Variants in PCDHA9 observed in about 807,000 individuals in gnomAD.
PCDHA9 encodes protocadherin alpha-9.
Under a neutral mutation model 62.0 loss-of-function variants are expected in PCDHA9, and 62 were observed. The observed-to-expected ratio is 1.00, with a 90% CI of 0.81 to 1.23. The LOEUF is 1.23. Ranked by LOEUF, PCDHA9 falls within the 50% of genes most tolerant of loss-of-function variation. The pLI is 0.00. For synonymous variants in PCDHA9, 557 were observed against 567.6 expected (o/e 0.98, Z 0.27); for missense variants, 1,205 against 1,249.8 (o/e 0.96, Z 0.54).
chr5:140,974,394 A>G (rs1554236015), intron 1 of PCDHA9, among the ~76,000 whole-genome samples: 1 of 152,212 alleles, frequency 6.6e-6, no homozygotes, highest in Non-Finnish European at 1.5e-5. Context: ...CCCATTAGGT[A>G]TGTTCTAAAG....
chr5:140,925,878 ACCT>A (rs1554202987), intron 1 of PCDHA9, among the ~76,000 whole-genome samples: 1 of 151,658 alleles, frequency 6.6e-6, no homozygotes. Flanking sequence ...CTGGTTTATA[ACCT>A]CCTCTTTCAC....
intron 1 of PCDHA9, among the ~76,000 whole-genome samples, chr5:140,890,509 A>G (rs1448258191): frequency 6.6e-6 from 1 of 151,802 alleles, no homozygotes; most frequent in African/African-American, 2.4e-5. Flanking sequence ...TTATGTCTCT[A>G]TTTCCTTCCT....
chr5:140,852,151 C>T, intron 1 of PCDHA9: 1 of 861,106 alleles, frequency 1.2e-6, no homozygotes, highest in Non-Finnish European at 1.4e-6. Context: ...ATCAGAATGG[C>T]CTTGAGAATA....
intron 3 of PCDHA9, among the ~76,000 whole-genome samples, chr5:141,006,790 T>A (rs1318848521): frequency 6.6e-6 from 1 of 152,130 alleles, no homozygotes; most frequent in African/African-American, 2.4e-5. Context: ...AATAATTAGC[T>A]TTGAACTTTC....
At chr5:140,914,488 G>T (rs1437401245) in intron 1 of PCDHA9, among the ~76,000 whole-genome samples, 1 of 152,080 alleles carries the variant, frequency 6.6e-6, no homozygotes, top group Non-Finnish European at 1.5e-5. Flanking sequence ...AGTGTTTCTT[G>T]TGGGCAACAG....
chr5:140,869,388 G>C lies in PCDHA9; in HGVS notation c.2394+18499G>C, dbSNP rs529836794. On this transcript the variant is annotated intron_variant, in intron 1 of 3. Transcript: ENST00000532602. Reference sequence around the variant, plus strand: ...ATTCTCGGATCGACCGCGAGGAGCTGTGCGGGCAGAGCGCGGAGTGCAGCA... The same window carrying C: ...ATTCTCGGATCGACCGCGAGGAGCTCTGCGGGCAGAGCGCGGAGTGCAGCA... 3.7e-6 allele frequency: 6 copies of C among 1,614,204 alleles called. No homozygotes were observed. The African/African-American group carries it at 6.7e-5, about 18-fold the overall frequency.
intron 1 of PCDHA9, among the ~76,000 whole-genome samples, chr5:140,885,309 T>C (rs1456816250): frequency 6.6e-6 from 1 of 152,194 alleles, no homozygotes; most frequent in Non-Finnish European, 1.5e-5. Context: ...GTAGGCTTTT[T>C]GTTATTATTT....
chr5:140,923,573 A>C (rs1180737452), intron 1 of PCDHA9, among the ~76,000 whole-genome samples: 2 of 152,214 alleles, frequency 1.3e-5, no homozygotes, highest in African/African-American at 4.8e-5. Flanking sequence ...GGTCCTGCTA[A>C]AGAGAAGGTT....
At chr5:140,871,648 T>C (rs948584860) in intron 1 of PCDHA9, 2 of 1,275,648 alleles carry the variant, frequency 1.6e-6, no homozygotes, top group Non-Finnish European at 2.1e-6. Context: ...AAATACCAAA[T>C]GATACACATC....
chr5:140,984,492 T>C (rs2097106044), intron 3 of PCDHA9, among the ~76,000 whole-genome samples: 1 of 152,224 alleles, frequency 6.6e-6, no homozygotes, highest in Non-Finnish European at 1.5e-5. Context: ...TATCCAGAAC[T>C]GTGCCTGGCT....
chr5:140,930,321 T>C (rs1166503889), intron 1 of PCDHA9: 7 of 152,186 alleles, frequency 4.6e-5, no homozygotes, highest in Non-Finnish European at 1.0e-4. Flanking sequence ...TTGAGAGTAA[T>C]GTATCTAATG....
chr5:140,877,409 G>C lies in PCDHA9; in HGVS notation c.2394+26520G>C, dbSNP rs782157769. The C allele has an allele frequency of 8.1e-6, 13 of 1,613,802 alleles. No homozygotes were observed. The highest frequency in any genetic ancestry group is 1.0e-5 in the Non-Finnish European group (12 of 1,179,880). Reference sequence around the variant, plus strand: ...GATGAGGCGGACGCTCCGCGCCACCGCCTGCTGGTGCTGGTGAAGGACCAC... The same window carrying C: ...GATGAGGCGGACGCTCCGCGCCACCCCCTGCTGGTGCTGGTGAAGGACCAC... On this transcript the variant is annotated intron_variant, in intron 1 of 3. Transcript: ENST00000532602.
Position 140,849,328 on chromosome 5 carries a change from T to C in PCDHA9, c.833T>C (p.Ile278Thr), listed in dbSNP as rs2150435086. ...GACGAAGGCTTGAATGGGGATATTA[T>C]TTACTCCTTCTCCAGTGATGTTTCT... is the stretch of plus-strand genomic sequence containing the variant. The part of the protein sequence containing the change: ...DLDEGLNGDI[I>T]YSFSSDVSPD... Residue 278 changes from isoleucine to threonine, a missense_variant, in exon 1 of 4, where the codon ATT (isoleucine) becomes ACT (threonine). Transcript: ENST00000532602. 1,235 of 1,370,890 alleles carry C rather than the reference T, an allele frequency of 9.0e-4. 32 individuals carry two copies. In the African/African-American group the frequency reaches 0.018, roughly 20 times the overall value. 84.9% of individuals were successfully genotyped at this position (1,370,890 alleles called of 1,614,324 possible). A position where few individuals can be genotyped will look rare whatever the true frequency, so the allele number is the denominator to read the frequency against.
At chr5:140,870,920 T>G (rs782215482) in intron 1 of PCDHA9, 20 of 1,613,814 alleles carry the variant, frequency 1.2e-5, no homozygotes, top group Non-Finnish European at 3.4e-6. Flanking sequence ...AACGCGTGGC[T>G]TTCATATGAA....
At chr5:140,941,290 T>A (rs1403658442) in intron 1 of PCDHA9, among the ~76,000 whole-genome samples, 1 of 69,836 alleles carries the variant, frequency 1.4e-5, no homozygotes, top group Non-Finnish European at 3.3e-5. Flanking sequence ...TCCTTTCTCT[T>A]TCTTTCTTTC....
intron 1 of PCDHA9, among the ~76,000 whole-genome samples, chr5:140,933,436 A>G (rs1554209364): frequency 6.6e-6 from 1 of 152,102 alleles, no homozygotes; most frequent in Non-Finnish European, 1.5e-5. Flanking sequence ...GGGGCACTCT[A>G]ATGACATACC....
chr5:141,009,021 G>A (rs997779963), intron 3 of PCDHA9, among the ~76,000 whole-genome samples: 1 of 152,246 alleles, frequency 6.6e-6, no homozygotes, highest in Non-Finnish European at 1.5e-5. Context: ...TTTAGGCTCT[G>A]TATTTCCCAT....
At chr5:140,858,263 T>A (rs781901851) in intron 1 of PCDHA9, 1 of 1,596,360 alleles carries the variant, frequency 6.3e-7, no homozygotes, top group Non-Finnish European at 8.6e-7. Flanking sequence ...CACGCTGGTG[T>A]GCTCTAGCGC....
chr5:141,010,869 A>T lies in PCDHA9; in HGVS notation c.*932A>T, dbSNP rs1434984330. The T allele has an allele frequency of 1.3e-5, 2 of 153,786 alleles. No individual in the cohort carries two copies. Among genetic ancestry groups the T allele is most frequent in the African/African-American group, 4.8e-5 (2 of 41,464 alleles). The allele number at this position is 153,786 out of a possible 1,614,324, so 9.5% of individuals were successfully genotyped here. On this transcript the variant is annotated 3_prime_UTR_variant, in exon 4 of 4. Coordinates refer to ENST00000532602, the MANE Select transcript of PCDHA9 (RefSeq NM_031857.2). Reference sequence around the variant, plus strand: ...AAAAAAAGAGAAAGTCTATAGCTATAAATCTTTAAAGAGAAATATGAATAC... The same window carrying T: ...AAAAAAAGAGAAAGTCTATAGCTATTAATCTTTAAAGAGAAATATGAATAC...
Sources: allele counts gnomAD v4.1 joint callset (sites outside exome capture counted in the v4.1 genomes callset), GRCh38; gene constraint gnomAD v4.1.1; transcripts MANE v1.5; gene names NCBI Gene and HGNC (gene_info 2026-07-23, HGNC 2026-07-21).